LONRF1: variants seen among roughly 807,000 people sequenced by gnomAD.
LONRF1 encodes LON peptidase N-terminal domain and ring finger 1, also known as LON peptidase N-terminal domain and RING finger protein 1.
Under a neutral mutation model 85.8 loss-of-function variants are expected in LONRF1, and 37 were observed. The ratio of observed to expected loss-of-function variants is 0.43; its 90% CI spans 0.33 to 0.57. The LOEUF is 0.57. Ranked by LOEUF, LONRF1 falls within the 20% of genes least tolerant of loss-of-function variation. The probability of loss-of-function intolerance (pLI) is 0.04; values close to 1 mark genes in which losing one functional copy is unlikely to be tolerated. For missense variants in LONRF1, 1,036 were observed against 978.0 expected (o/e 1.06, Z -0.79); for synonymous variants, 517 against 390.1 (o/e 1.33, Z -3.83).
At chr8:12,725,982 T>C in intron 10 of LONRF1, 103 bp from the exon 11 acceptor site, 4 of 1,037,026 alleles carry the variant, frequency 3.9e-6, no homozygotes, top group Non-Finnish European at 5.7e-6. Flanking sequence ...AACAGGGCAA[T>C]ACCTGTTTCA....
At position 12,725,890 on chromosome 8, in the gene LONRF1, A is replaced by G; in HGVS notation, c.2011-11T>C. On this transcript the variant is annotated splice_polypyrimidine_tract_variant and intron_variant, in intron 10 of 11. Transcript: ENST00000398246. ...ATCTTCATTCTCAACCTAGAAATAC[A>G]ATAGTCAGTAAGACTTCTGTGTCTA... 2 of 1,602,120 alleles carry G rather than the reference A, an allele frequency of 1.2e-6. No individual in the cohort carries two copies. The highest frequency in any genetic ancestry group is 1.7e-6 in the Non-Finnish European group (2 of 1,173,566).
chr8:12,746,003 C>A (rs1482541927), intron 1 of LONRF1, among the ~76,000 whole-genome samples: 5 of 152,172 alleles, frequency 3.3e-5, no homozygotes, highest in Non-Finnish European at 7.4e-5. Context: ...CTAAACTCAG[C>A]ATTCTTCACC....
intron 1 of LONRF1, among the ~76,000 whole-genome samples, chr8:12,747,707 CAG>C (rs370460401): frequency 0.025 from 3,798 of 151,942 alleles, 95 homozygotes; most frequent in South Asian, 0.12. Flanking sequence ...CAGGTTAAAA[CAG>C]AGAGGGCTGT....
Position 12,751,305 on chromosome 8 carries a change from T to TTGTTTG in LONRF1, c.721+3394_721+3395insCAAACA, listed in dbSNP as rs763305176. Among the ~76,000 whole-genome samples, 77 of 69,740 alleles carry TTGTTTG rather than the reference T, an allele frequency of 1.1e-3. 6 individuals carry two copies. Among genetic ancestry groups the TTGTTTG allele is most frequent in the East Asian group, 4.9e-3 (6 of 1,226 alleles). 45.8% of individuals were successfully genotyped at this position (69,740 alleles called of 152,430 possible). A position where few individuals can be genotyped will look rare whatever the true frequency, so the allele number is the denominator to read the frequency against. The stretch of plus-strand genomic sequence containing the variant: ...ATATTTTTATTTTTATGTTTTTTTT[T>TTGTTTG]TTTTTTTTTTTTTTTGAGACTGAGT... On this transcript the variant is annotated intron_variant, in intron 1 of 11. Transcript: ENST00000398246.
At chr8:12,750,069 G>T (rs1191208766) in intron 1 of LONRF1, among the ~76,000 whole-genome samples, 2 of 152,154 alleles carry the variant, frequency 1.3e-5, no homozygotes, top group Admixed American at 1.3e-4. Flanking sequence ...ACATATTTGG[G>T]TTCTGCTTTC....
At chr8:12,741,127 T>C in intron 2 of LONRF1, 131 bp from the exon 3 acceptor site, 3 of 883,358 alleles carry the variant, frequency 3.4e-6, no homozygotes, top group South Asian at 1.6e-5. Context: ...CTCACGCCTG[T>C]AATCCCAGCA....
In LONRF1 at chr8:12,731,727, G is replaced by GA; in HGVS notation, c.1688+8dup. 1 of 1,605,990 alleles carries GA rather than the reference G, an allele frequency of 6.2e-7. No homozygotes were observed. Among genetic ancestry groups the GA allele is most frequent in the Non-Finnish European group, 8.5e-7 (1 of 1,177,040 alleles). On this transcript the variant is annotated intron_variant, in intron 8 of 11. Coordinates refer to ENST00000398246, the MANE Select transcript of LONRF1 (RefSeq NM_152271.5). ...TAGTTCATAATTTTTTTTATGAGAA[G>GA]AAACTTACTGTGAGAGTTCAGCAGT...
chr8:12,744,624 G>C (rs1217259557), intron 1 of LONRF1, among the ~76,000 whole-genome samples: 2 of 152,144 alleles, frequency 1.3e-5, no homozygotes, highest in African/African-American at 4.8e-5. Context: ...CTGTCAAACA[G>C]CATCATGCAA....
At chr8:12,728,834 G>C (rs1798420080) in intron 10 of LONRF1, 67 bp downstream of exon 10, 1 of 1,564,784 alleles carries the variant, frequency 6.4e-7, no homozygotes, top group Non-Finnish European at 8.8e-7. Context: ...AAAATAGCCT[G>C]CATGCCTGTA....
chr8:12,740,753 TG>T, intron 3 of LONRF1, 120 bp downstream of exon 3: 5 of 1,244,124 alleles, frequency 4.0e-6, no homozygotes, highest in Non-Finnish European at 5.5e-6. Flanking sequence ...TTATCACATT[TG>T]TTCCTAAGTT....
At chr8:12,740,468 C>A (rs6530962) in intron 3 of LONRF1, among the ~76,000 whole-genome samples, 145,135 of 152,136 alleles carry the variant, frequency 0.95, 69,603 homozygotes, top group East Asian at 1. Flanking sequence ...ATTGAAAAAA[C>A]TAAGGCAAAA....
chr8:12,725,442 C>G (rs1398316692), intron 11 of LONRF1, among the ~76,000 whole-genome samples: 1 of 152,116 alleles, frequency 6.6e-6, no homozygotes, highest in Non-Finnish European at 1.5e-5. Flanking sequence ...TTTTTAATTC[C>G]TTACCCACTC....
intron 4 of LONRF1, among the ~76,000 whole-genome samples, 196 bp downstream of exon 4, chr8:12,737,799 T>C (rs992370955): frequency 6.6e-6 from 1 of 152,206 alleles, no homozygotes; most frequent in African/African-American, 2.4e-5. Context: ...GGACCTAAAA[T>C]TGTGATTCAT....
chr8:12,745,050 C>G (rs1799091014), intron 1 of LONRF1, among the ~76,000 whole-genome samples: 1 of 151,974 alleles, frequency 6.6e-6, no homozygotes, highest in African/African-American at 2.4e-5. Context: ...GAAGACCCGT[C>G]TTTGAAAAAA....
chr8:12,739,674 G>A (rs1798854777), intron 3 of LONRF1, among the ~76,000 whole-genome samples: 1 of 152,112 alleles, frequency 6.6e-6, no homozygotes, highest in African/African-American at 2.4e-5. Context: ...ATATTCTAAA[G>A]CATTATTTGT....
At position 12,738,163 on chromosome 8, in the gene LONRF1, A is replaced by G. The variant is rs1202731887; in HGVS notation, c.964-19T>C. The G allele has an allele frequency of 7.1e-7, 1 of 1,401,862 alleles. No homozygotes were observed. The highest frequency in any genetic ancestry group is 9.7e-7 in the Non-Finnish European group (1 of 1,032,180). 86.8% of individuals were successfully genotyped at this position (1,401,862 alleles called of 1,614,324 possible). ...ATAAAATCTGTAAGAGAAATATTAA[A>G]AGTAGTAGAAAATATAAAATATTTG... is the stretch of plus-strand genomic sequence containing the variant. On this transcript the variant is annotated intron_variant, in intron 3 of 11. Transcript: ENST00000398246.
intron 1 of LONRF1, chr8:12,753,150 T>C (rs549327650): frequency 6.6e-6 from 1 of 152,322 alleles, no homozygotes; most frequent in East Asian, 1.9e-4. Context: ...GTTCTGAGCC[T>C]ACCTTTCTAT....
chr8:12,751,905 CAG>C (rs1799422808), intron 1 of LONRF1, among the ~76,000 whole-genome samples: 1 of 152,062 alleles, frequency 6.6e-6, no homozygotes, highest in African/African-American at 2.4e-5. Flanking sequence ...ACTAAAAAGA[CAG>C]AAAGTTATGA....
intron 11 of LONRF1, among the ~76,000 whole-genome samples, chr8:12,723,717 C>A (rs1185577632): frequency 6.6e-6 from 1 of 152,246 alleles, no homozygotes; most frequent in Non-Finnish European, 1.5e-5. Context: ...GCCAAATATC[C>A]TGTGGGGGCA....
Sources: allele counts gnomAD v4.1 joint callset (sites outside exome capture counted in the v4.1 genomes callset), GRCh38; gene constraint gnomAD v4.1.1; transcripts MANE v1.5; gene names NCBI Gene and HGNC (gene_info 2026-07-23, HGNC 2026-07-21).